Variants in RIC3 observed in about 807,000 individuals in gnomAD.
RIC3 encodes RIC3 acetylcholine receptor chaperone, also known as protein RIC-3.
In RIC3, 28 loss-of-function variants were observed where a neutral mutation model predicts 27.3. The observed-to-expected ratio is 1.02, with a 90% CI of 0.76 to 1.41. The LOEUF (loss-of-function observed/expected upper bound fraction) is 1.41. Among genes scored for constraint, RIC3 ranks in the 40% most tolerant of loss-of-function variants. The pLI is 0.00. For missense variants in RIC3, 501 were observed against 444.7 expected, an observed-to-expected ratio of 1.13 and a Z score of -1.14; for synonymous variants, 184 against 160.4, an observed-to-expected ratio of 1.15 and a Z score of -1.11.
In RIC3 at chr11:8,164,721, T is replaced by G. The variant is rs1423688949; in HGVS notation, c.124+4145A>C. On this transcript the variant is annotated intron_variant, in intron 1 of 5. Transcript: ENST00000309737. ...TGAGCCCAGGAGTTTGGGGCTACAG[T>G]GAGCAATGATGGCACCACTGTATTC... Among the ~76,000 whole-genome samples the G allele has an allele frequency of 4.3e-5, 6 of 138,584 alleles. No individual in the cohort carries two copies. In the East Asian group the frequency reaches 1.2e-3, roughly 29 times the overall value. 90.9% of individuals were successfully genotyped at this position (138,584 alleles called of 152,430 possible).
intron 5 of RIC3, among the ~76,000 whole-genome samples, chr11:8,119,778 AT>A (rs1244170584): frequency 2.0e-5 from 3 of 152,194 alleles, no homozygotes; most frequent in African/African-American, 7.2e-5. Context: ...ATGGGAGAAA[AT>A]TTTTGCAATC....
intron 4 of RIC3, chr11:8,135,705 TG>T (rs1948318679): frequency 6.6e-6 from 1 of 152,206 alleles, no homozygotes; most frequent in Non-Finnish European, 1.5e-5. Flanking sequence ...TCACATCCCT[TG>T]TAAGTTGGAT....
At chr11:8,162,790 C>T (rs933708485) in intron 1 of RIC3, among the ~76,000 whole-genome samples, 1 of 151,666 alleles carries the variant, frequency 6.6e-6, no homozygotes, top group African/African-American at 2.4e-5. Context: ...GAATTACAGG[C>T]GTGCACCATC....
At chr11:8,097,422 GAAGGT>G in the RIC3 span, 1 of 1,614,232 alleles carries the variant, frequency 6.2e-7, no homozygotes, top group Non-Finnish European at 8.5e-7. Flanking sequence ...AGGATGGGAA[GAAGGT>G]AAGGTTGGTC....
Position 8,113,848 on chromosome 11 carries a change from G to A in RIC3, c.671-2711C>T, listed in dbSNP as rs560818359. Among the ~76,000 whole-genome samples, 5 of 152,230 alleles carry A rather than the reference G, an allele frequency of 3.3e-5. No homozygotes were observed. In the South Asian group the frequency reaches 6.2e-4, roughly 19 times the overall value. ...CCTCCAGGCCCATTTCAGTGGACCC[G>A]GGCACCAGGTTCATCCTAGCACCTG... On this transcript the variant is annotated intron_variant, in intron 5 of 5. Transcript: ENST00000309737.
intron 1 of RIC3, among the ~76,000 whole-genome samples, chr11:8,151,355 A>G (rs1039301258): frequency 2.0e-5 from 3 of 152,006 alleles, no homozygotes; most frequent in African/African-American, 7.3e-5. Flanking sequence ...TGGGAGGCCG[A>G]GACGGGCGGA....
At chr11:8,151,414 C>A (rs933866909) in intron 1 of RIC3, among the ~76,000 whole-genome samples, 1 of 150,530 alleles carries the variant, frequency 6.6e-6, no homozygotes, top group South Asian at 2.1e-4. Flanking sequence ...GGTGAAACCC[C>A]GTCTCTACTA....
the RIC3 span, chr11:8,097,727 C>T: frequency 5.0e-6 from 8 of 1,613,406 alleles, no homozygotes; most frequent in Admixed American, 5.0e-5. Context: ...TTCCTCCTGG[C>T]GGGAAGGAAG....
At chr11:8,096,756 C>A in the RIC3 span, 4 of 1,614,018 alleles carry the variant, frequency 2.5e-6, no homozygotes, top group Admixed American at 6.7e-5. Context: ...CTCCTCCCAG[C>A]TAAATAGTAA....
intron 4 of RIC3, among the ~76,000 whole-genome samples, chr11:8,136,508 G>C (rs1287704140): frequency 2.6e-5 from 4 of 152,106 alleles, no homozygotes; most frequent in African/African-American, 9.7e-5. Context: ...ACGTTTTCTT[G>C]GTTGTTGTCC....
intron 1 of RIC3, among the ~76,000 whole-genome samples, chr11:8,142,260 C>T (rs1220575060): frequency 1.5e-5 from 2 of 133,628 alleles, no homozygotes; most frequent in Non-Finnish European, 1.5e-5. Context: ...AAAGGATCAA[C>T]AAAATTGATA....
At chr11:8,102,001 G>A (rs1454349794), downstream of RIC3, 8 of 224,804 alleles carry the variant, frequency 3.6e-5, no homozygotes, top group Non-Finnish European at 5.3e-5. Context: ...TGGCCCAGTC[G>A]TCCGCTCAGC....
At chr11:8,134,660 A>G (rs10839975) in intron 4 of RIC3, among the ~76,000 whole-genome samples, 73,607 of 151,754 alleles carry the variant, frequency 0.49, 19,869 homozygotes, top group African/African-American at 0.73. Context: ...AGCACCTGTT[A>G]TTTCCTGACT....
At chr11:8,097,220 C>T in the RIC3 span, 1 of 1,613,818 alleles carries the variant, frequency 6.2e-7, no homozygotes, top group South Asian at 1.1e-5. Context: ...TATTCTGCAT[C>T]CCCATAGGAG....
At chr11:8,123,810 C>T (rs748419831) in intron 5 of RIC3, among the ~76,000 whole-genome samples, 4 of 151,662 alleles carry the variant, frequency 2.6e-5, no homozygotes, top group South Asian at 2.1e-4. Context: ...AGGCCAAGAC[C>T]AGAAGATTGC....
chr11:8,124,934 G>A (rs1487315302), intron 5 of RIC3, among the ~76,000 whole-genome samples: 1 of 152,096 alleles, frequency 6.6e-6, no homozygotes, highest in Non-Finnish European at 1.5e-5. Context: ...GGAAACCTTG[G>A]GTTAGCCAAA....
At chr11:8,093,616 G>A in the RIC3 span, among the ~76,000 whole-genome samples, 4 of 152,262 alleles carry the variant, frequency 2.6e-5, no homozygotes, top group East Asian at 3.9e-4. Flanking sequence ...GAGCCCCCTC[G>A]TAGGCTCCCT....
At chr11:8,134,702 G>A (rs541261612) in intron 4 of RIC3, among the ~76,000 whole-genome samples, 12 of 152,088 alleles carry the variant, frequency 7.9e-5, no homozygotes, top group Non-Finnish European at 4.4e-5. Flanking sequence ...CTGGTGTGAG[G>A]TGGTATCTCA....
chr11:8,106,158 CATGTTGACATTATGT>C lies in RIC3; in HGVS notation c.*4525_*4539del, dbSNP rs1430925111. 2.6e-5 allele frequency: 4 copies of C among 151,736 alleles called. No homozygotes were observed. The highest frequency in any genetic ancestry group is 2.6e-4 in the Admixed American group (4 of 15,244). The allele number at this position is 151,736 out of a possible 1,614,324, so 9.4% of individuals were successfully genotyped here. A position where few individuals can be genotyped will look rare whatever the true frequency, so the allele number is the denominator to read the frequency against. The stretch of plus-strand genomic sequence containing the variant: ...TGCAATGACAAACTTGGTATTTTCC[CATGTTGACATTATGT>C]ATGTTGTAGAATTTAGTGTTTGTCT... On this transcript the variant is annotated 3_prime_UTR_variant, in exon 6 of 6. Transcript: ENST00000309737.
Sources: gnomAD v4.1 joint callset for allele counts (sites outside exome capture counted in the v4.1 genomes callset) on GRCh38, gnomAD v4.1.1 for gene constraint, MANE v1.5 for transcripts, NCBI Gene and HGNC (gene_info 2026-07-23, HGNC 2026-07-21) for gene names.